Variants in TENM2 observed in about 807,000 individuals in gnomAD.
TENM2 encodes teneurin-2.
A neutral mutation model predicts 245.2 loss-of-function variants in TENM2; 52 were observed. The ratio of observed to expected loss-of-function variants is 0.21; its 90% confidence interval spans 0.17 to 0.27. The LOEUF is 0.27. Ranked by LOEUF, TENM2 falls within the 10% of genes least tolerant of loss-of-function variation. The probability of loss-of-function intolerance (pLI) is 1.00; values close to 1 mark genes in which losing one functional copy is unlikely to be tolerated. For missense variants in TENM2, 3,046 were observed against 3,666.8 expected (o/e 0.83, Z 4.37); for synonymous variants, 1,363 against 1,438.9 (o/e 0.95, Z 1.19).
At chr5:167,023,293 G>T in the TENM2 span, among the ~76,000 whole-genome samples, 9,772 of 152,204 alleles carry the variant, frequency 0.064, 997 homozygotes, top group African/African-American at 0.22. Flanking sequence ...AAATGAAATG[G>T]AGGGTATTAA....
At chr5:167,822,514 T>C (rs1016908430) in intron 2 of TENM2, among the ~76,000 whole-genome samples, 1 of 152,074 alleles carries the variant, frequency 6.6e-6, no homozygotes, top group African/African-American at 2.4e-5. Context: ...AACAAAACAT[T>C]AAACATTTCA....
intron 4 of TENM2, among the ~76,000 whole-genome samples, chr5:167,983,657 A>G (rs938643660): frequency 6.6e-6 from 1 of 152,204 alleles, no homozygotes; most frequent in African/African-American, 2.4e-5. Flanking sequence ...TAATTGGGTT[A>G]TTGGCTTCTT....
intron 2 of TENM2, among the ~76,000 whole-genome samples, chr5:167,608,940 G>A (rs1777251208): frequency 6.6e-6 from 1 of 152,048 alleles, no homozygotes; most frequent in African/African-American, 2.4e-5. Context: ...CAAGGCAATA[G>A]CAAGTTTTTC....
intron 2 of TENM2, among the ~76,000 whole-genome samples, chr5:167,721,035 C>T (rs931215714): frequency 6.6e-6 from 1 of 152,062 alleles, no homozygotes; most frequent in East Asian, 1.9e-4. Flanking sequence ...TTCTCATTGC[C>T]CAATCACTTA....
intron 2 of TENM2, among the ~76,000 whole-genome samples, chr5:167,785,334 G>C (rs914680731): frequency 1.3e-5 from 2 of 152,178 alleles, no homozygotes; most frequent in African/African-American, 2.4e-5. Context: ...TTCATTTGGG[G>C]AAGCTGTTTT....
At chr5:167,326,607 AG>A in intron 1 of TENM2, among the ~76,000 whole-genome samples, 1 of 151,758 alleles carries the variant, frequency 6.6e-6, no homozygotes, top group South Asian at 2.1e-4. Context: ...CAGGAGACGG[AG>A]GTTGCAGTGA....
At chr5:168,215,084 C>T in exon 21 of TENM2, 2 of 1,613,806 alleles carry the variant, frequency 1.2e-6, no homozygotes, top group Non-Finnish European at 1.7e-6. Flanking sequence ...GACCCCGTGT[C>T]CGGCTCGCTC....
At chr5:168,035,284 G>A (rs565026825) in intron 5 of TENM2, among the ~76,000 whole-genome samples, 1 of 152,228 alleles carries the variant, frequency 6.6e-6, no homozygotes, top group South Asian at 2.1e-4. Flanking sequence ...ATGACCTGAG[G>A]TCAGGAGTTT....
At chr5:167,157,807 A>G in the TENM2 span, among the ~76,000 whole-genome samples, 1 of 152,204 alleles carries the variant, frequency 6.6e-6, no homozygotes, top group Non-Finnish European at 1.5e-5. Context: ...TTTGTTACTC[A>G]TTTAATTTAT....
At chr5:167,653,670 A>C (rs566863434) in intron 2 of TENM2, 1 of 152,258 alleles carries the variant, frequency 6.6e-6, no homozygotes, top group African/African-American at 2.4e-5. Context: ...CCTTCAGCCA[A>C]AGCAGTTTGA....
intron 6 of TENM2, among the ~76,000 whole-genome samples, chr5:168,056,309 G>A (rs1789538064): frequency 6.6e-6 from 1 of 152,146 alleles, no homozygotes; most frequent in African/African-American, 2.4e-5. Context: ...GGCAGTATTT[G>A]TACATTTTTC....
intron 2 of TENM2, among the ~76,000 whole-genome samples, chr5:167,815,165 G>A (rs370389272): frequency 1.4e-4 from 21 of 152,104 alleles, no homozygotes; most frequent in African/African-American, 4.3e-4. Flanking sequence ...CTGACATGTC[G>A]TATTAACCCT....
At chr5:167,463,688 G>A (rs1766469175) in intron 2 of TENM2, among the ~76,000 whole-genome samples, 2 of 151,958 alleles carry the variant, frequency 1.3e-5, no homozygotes, top group Admixed American at 6.6e-5. Context: ...TAGTAGAGAA[G>A]GGGTTTCACC....
intron 2 of TENM2, among the ~76,000 whole-genome samples, chr5:167,652,116 A>T (rs1754510128): frequency 1.3e-5 from 2 of 152,148 alleles, no homozygotes; most frequent in Admixed American, 6.6e-5. Context: ...TTTGTTGTAA[A>T]GGTCTAGACA....
intron 2 of TENM2, among the ~76,000 whole-genome samples, chr5:167,692,768 G>A (rs944700950): frequency 6.6e-6 from 1 of 152,210 alleles, no homozygotes; most frequent in African/African-American, 2.4e-5. Flanking sequence ...ACAATTAAGT[G>A]GTGAACTGTT....
chr5:167,875,900 A>G (rs1405276377), intron 2 of TENM2, 86 bp from the exon 5 acceptor site: 6 of 782,218 alleles, frequency 7.7e-6, no homozygotes, highest in African/African-American at 1.8e-5. Flanking sequence ...TAATATTTAT[A>G]TTGTGAGCTG....
the TENM2 span, among the ~76,000 whole-genome samples, chr5:167,032,725 A>T: frequency 6.6e-6 from 1 of 152,178 alleles, no homozygotes; most frequent in African/African-American, 2.4e-5. Context: ...CAAGGCAGCA[A>T]GTTCCAACTA....
intron 10 of TENM2, 88 bp downstream of exon 12, chr5:168,118,574 C>A: frequency 2.9e-6 from 3 of 1,022,562 alleles, no homozygotes; most frequent in South Asian, 3.3e-5. Flanking sequence ...TCCTGGGCTG[C>A]GTGTTTTGCA....
At chr5:167,033,341 A>G in the TENM2 span, among the ~76,000 whole-genome samples, 1 of 152,198 alleles carries the variant, frequency 6.6e-6, no homozygotes, top group Non-Finnish European at 1.5e-5. Context: ...ATATTCTTCT[A>G]CTTGATTTAT....
Sources: gnomAD v4.1 joint callset for allele counts (sites outside exome capture counted in the v4.1 genomes callset) on GRCh38, gnomAD v4.1.1 for gene constraint, MANE v1.5 for transcripts, NCBI Gene and HGNC (gene_info 2026-07-23, HGNC 2026-07-21) for gene names.